SASH1: variants seen among roughly 807,000 people sequenced by gnomAD.
SASH1 encodes SAM and SH3 domain containing 1.
A neutral mutation model predicts 125.2 loss-of-function variants in SASH1; 44 were observed. The ratio of observed to expected loss-of-function variants is 0.35; its 90% confidence interval spans 0.28 to 0.45. SASH1 has a LOEUF of 0.45. SASH1 is among the 20% of genes least tolerant of loss of function. The pLI, the probability that SASH1 is intolerant of heterozygous loss-of-function variation, is 1.00. For synonymous variants in SASH1, 639 were observed against 649.1 expected (o/e 0.98, Z 0.24); for missense variants, 1,426 against 1,614.5 (o/e 0.88, Z 2.00).
intron 8 of SASH1, among the ~76,000 whole-genome samples, chr6:148,490,321 G>A (rs1366137231): frequency 6.6e-6 from 1 of 151,944 alleles, no homozygotes; most frequent in Non-Finnish European, 1.5e-5. Context: ...TGATTCTCCT[G>A]CCTCAGCCTC....
chr6:148,213,987 T>C, the SASH1 span, among the ~76,000 whole-genome samples: 2 of 152,180 alleles, frequency 1.3e-5, no homozygotes, highest in South Asian at 4.1e-4. Context: ...AGTATAAAAC[T>C]AGAAATGATG....
intron 4 of SASH1, among the ~76,000 whole-genome samples, chr6:148,447,630 T>C (rs1349594767): frequency 6.6e-6 from 1 of 151,158 alleles, no homozygotes; most frequent in Non-Finnish European, 1.5e-5. Context: ...TCCCCTTCCT[T>C]CTCCTCCTCC....
At chr6:148,194,437 T>A in the SASH1 span, among the ~76,000 whole-genome samples, 1 of 152,246 alleles carries the variant, frequency 6.6e-6, no homozygotes, top group Admixed American at 6.5e-5. Context: ...AAAATTCTGT[T>A]GCAAACAGGT....
At chr6:148,542,479 C>G (rs1342114105) in intron 17 of SASH1, among the ~76,000 whole-genome samples, 1 of 152,134 alleles carries the variant, frequency 6.6e-6, no homozygotes, top group Non-Finnish European at 1.5e-5. Context: ...GTCCACCTCC[C>G]GGGTTCATGC....
chr6:148,545,092 A>G (rs1174898190), intron 18 of SASH1, among the ~76,000 whole-genome samples: 2 of 152,244 alleles, frequency 1.3e-5, no homozygotes, highest in Non-Finnish European at 2.9e-5. Context: ...AAATGTGGAC[A>G]AAAGAACCCT....
At chr6:148,344,066 A>AT (rs1424305721) in intron 1 of SASH1, among the ~76,000 whole-genome samples, 1 of 152,280 alleles carries the variant, frequency 6.6e-6, no homozygotes, top group East Asian at 1.9e-4. Flanking sequence ...GAGATCTTAT[A>AT]TTTTTTGAGT....
intron 2 of SASH1, among the ~76,000 whole-genome samples, chr6:148,409,541 T>C (rs911492079): frequency 2.2e-4 from 33 of 152,202 alleles, no homozygotes; most frequent in Non-Finnish European, 3.8e-4. Flanking sequence ...TTCAAGATTG[T>C]CATTAAAAAC....
chr6:148,338,213 G>A (rs565426710), upstream of SASH1, among the ~76,000 whole-genome samples: 9 of 152,126 alleles, frequency 5.9e-5, no homozygotes, highest in East Asian at 1.2e-3. Flanking sequence ...ACTCGAACTC[G>A]GTCAGGAGTT....
upstream of SASH1, among the ~76,000 whole-genome samples, chr6:148,270,139 G>A (rs1264265601): frequency 6.6e-6 from 1 of 152,216 alleles, no homozygotes; most frequent in Non-Finnish European, 1.5e-5. Context: ...GACAGACTAA[G>A]ACCTTCCTGG....
At chr6:148,308,383 C>T (rs1410000929) in intron 1 of SASH1, among the ~76,000 whole-genome samples, 1 of 147,448 alleles carries the variant, frequency 6.8e-6, no homozygotes, top group Non-Finnish European at 1.5e-5. Context: ...AGTTGTTCAT[C>T]AAAAACTTAG....
chr6:148,314,770 T>C (rs1017250931), intron 1 of SASH1, among the ~76,000 whole-genome samples: 5 of 14,478 alleles, frequency 3.5e-4, no homozygotes, highest in African/African-American at 1.0e-3. Context: ...TATAAATGAC[T>C]TTTTTTTTTT....
intron 4 of SASH1, among the ~76,000 whole-genome samples, chr6:148,447,359 G>A (rs1286932459): frequency 6.6e-6 from 1 of 152,224 alleles, no homozygotes. Flanking sequence ...GTTTATAAAT[G>A]TTCTCTGCGG....
Position 148,549,130 on chromosome 6 carries a change from C to G in SASH1, c.*572C>G, listed in dbSNP as rs1782748181. On this transcript the variant is annotated 3_prime_UTR_variant, in exon 20 of 20. Coordinates refer to ENST00000367467, the MANE Select transcript of SASH1 (RefSeq NM_015278.5). ...CAAGAGACATTTTCATAATTGCTTT[C>G]TAGCAATCAGCTTTTATTTGCCTTA... 6.5e-6 allele frequency: 1 copy of G among 154,952 alleles called. No individual in the cohort carries two copies. The highest frequency in any genetic ancestry group is 1.4e-5 in the Non-Finnish European group (1 of 70,470). The allele number at this position is 154,952 out of a possible 1,614,324, so 9.6% of individuals were successfully genotyped here.
At chr6:148,334,731 G>C (rs2114610571) in intron 1 of SASH1, among the ~76,000 whole-genome samples, 1 of 151,480 alleles carries the variant, frequency 6.6e-6, no homozygotes, top group Admixed American at 6.6e-5. Context: ...AGAATCACTT[G>C]AACCCAGGAA....
the SASH1 span, among the ~76,000 whole-genome samples, chr6:148,200,113 C>T: frequency 1.8e-3 from 268 of 152,274 alleles, no homozygotes; most frequent in African/African-American, 6.1e-3. Context: ...TTTGATTATA[C>T]TTTGTTGGGT....
the SASH1 span, among the ~76,000 whole-genome samples, chr6:148,224,356 T>C: frequency 6.7e-6 from 1 of 148,332 alleles, no homozygotes; most frequent in Non-Finnish European, 1.5e-5. Context: ...TTAGAGAGGC[T>C]TCCCCCCAGC....
rs559130882 is a variant in SASH1 at position 148,549,848 on chromosome 6, C to T, written c.*1290C>T. On this transcript the variant is annotated 3_prime_UTR_variant, in exon 20 of 20. Coordinates refer to ENST00000367467, the MANE Select transcript of SASH1 (RefSeq NM_015278.5). ...TTTTGAAATGGAGTTTCGCTCTTGT[C>T]ACCCAGGCTGGAGTGCAATGGCACG... The T allele has an allele frequency of 1.4e-5, 4 of 292,570 alleles. No individual in the cohort carries two copies. The highest frequency in any genetic ancestry group is 2.5e-5 in the Non-Finnish European group (4 of 160,242). The allele number at this position is 292,570 out of a possible 1,614,324, so 18.1% of individuals were successfully genotyped here. A position where few individuals can be genotyped will look rare whatever the true frequency, so the allele number is the denominator to read the frequency against.
chr6:148,441,936 T>C (rs551046439), intron 4 of SASH1, among the ~76,000 whole-genome samples: 1 of 152,364 alleles, frequency 6.6e-6, no homozygotes, highest in South Asian at 2.1e-4. Context: ...TCTCCATTTG[T>C]AATATTGTCA....
At chr6:148,290,999 G>GTTTTT (rs11339749) in intron 1 of SASH1, among the ~76,000 whole-genome samples, 1 of 144,138 alleles carries the variant, frequency 6.9e-6, no homozygotes, top group Non-Finnish European at 1.5e-5. Context: ...ACTTTATCTT[G>GTTTTT]TTTTTTTTTT....
Sources: gnomAD v4.1 joint callset for allele counts (sites outside exome capture counted in the v4.1 genomes callset) on GRCh38, gnomAD v4.1.1 for gene constraint, MANE v1.5 for transcripts, NCBI Gene and HGNC (gene_info 2026-07-23, HGNC 2026-07-21) for gene names.